SLC38A1: variants seen among roughly 807,000 people sequenced by gnomAD.
SLC38A1 encodes the protein solute carrier family 38 member 1.
In SLC38A1, 18 loss-of-function variants were observed where a neutral mutation model predicts 60.3. The observed-to-expected ratio is 0.30, with a 90% CI of 0.21 to 0.44. SLC38A1 has a LOEUF of 0.44. Among genes scored for constraint, SLC38A1 ranks in the 20% least tolerant of loss-of-function variants. The pLI is 1.00. For synonymous variants in SLC38A1, 196 were observed against 212.1 expected (o/e 0.92, Z 0.66); for missense variants, 448 against 587.2 (o/e 0.76, Z 2.45).
In SLC38A1 at chr12:46,247,116, C is replaced by T. The variant is rs143382774; in HGVS notation, c.-208-3802G>A. ...AAGCTGAAAATTCTAAAAACCAGAG[C>T]GCCTCTTCTCCTCCAAAGGATGGCT... On this transcript the variant is annotated intron_variant, in intron 1 of 16. Coordinates refer to ENST00000398637, the MANE Select transcript of SLC38A1 (RefSeq NM_030674.4). Among the ~76,000 whole-genome samples the T allele has an allele frequency of 6.7e-3, 1,016 of 152,214 alleles. 10 individuals are homozygous for T. Among genetic ancestry groups the T allele is most frequent in the African/African-American group, 0.023 (940 of 41,514 alleles).
At position 46,222,058 on chromosome 12, in the gene SLC38A1, G is replaced by T. The variant is rs188961932; in HGVS notation, c.314+7095C>A. Among the ~76,000 whole-genome samples, 29 of 152,268 alleles carry T rather than the reference G, an allele frequency of 1.9e-4. No homozygotes were observed. The East Asian group carries it at 5.2e-3, about 27-fold the overall frequency. On this transcript the variant is annotated intron_variant, in intron 5 of 16. Transcript: ENST00000398637. ...AAGCTGAGGTCATCTGAAGGGAAAA[G>T]AGGTTGAAAATACAGTCTGGAACAA...
chr12:46,240,494 C>A (rs1941410540), intron 2 of SLC38A1, among the ~76,000 whole-genome samples: 3 of 152,306 alleles, frequency 2.0e-5, no homozygotes, highest in African/African-American at 7.2e-5. Flanking sequence ...CCGCACCCGG[C>A]CTGAAGCAGT....
chr12:46,185,566 C>T lies in SLC38A1; in HGVS notation c.*3404G>A, dbSNP rs1040540242. 6.6e-6 allele frequency: 1 copy of T among 151,948 alleles called. No homozygotes were observed. Among genetic ancestry groups the T allele is most frequent in the African/African-American group, 2.4e-5 (1 of 41,344 alleles). The allele number at this position is 151,948 out of a possible 1,614,324, so 9.4% of individuals were successfully genotyped here. On this transcript the variant is annotated 3_prime_UTR_variant, in exon 17 of 17. Coordinates refer to ENST00000398637, the MANE Select transcript of SLC38A1 (RefSeq NM_030674.4). ...ACTAGCACTAAAAACATTAAAAGTG[C>T]TGCGCGCTGGCCTCAATGACTGGTA... is the stretch of plus-strand genomic sequence containing the variant.
At chr12:46,218,688 A>C (rs1446383717) in intron 5 of SLC38A1, among the ~76,000 whole-genome samples, 1 of 152,142 alleles carries the variant, frequency 6.6e-6, no homozygotes, top group East Asian at 1.9e-4. Flanking sequence ...AGTCATGCAG[A>C]GTCAGCTGTG....
Position 46,192,994 on chromosome 12 carries a change from C to T in SLC38A1, c.1363-3923G>A, listed in dbSNP as rs188956577. 3.5e-3 allele frequency among the ~76,000 whole-genome samples: 533 copies of T among 152,038 alleles called. 14 individuals carry two copies. Among genetic ancestry groups the T allele is most frequent in the Admixed American group, 0.034 (513 of 15,252 alleles). ...GCTAGCTTTTGAATTTGTTTGCTTT[C>T]GCTTCTCTAGTTCTTTTAATTGTGA... is the stretch of plus-strand genomic sequence containing the variant. On this transcript the variant is annotated intron_variant, in intron 16 of 16. Transcript: ENST00000398637.
intron 13 of SLC38A1, among the ~76,000 whole-genome samples, chr12:46,200,647 C>G (rs1939615392): frequency 6.6e-6 from 1 of 152,100 alleles, no homozygotes; most frequent in Non-Finnish European, 1.5e-5. Context: ...TGCAAGGCTT[C>G]GACTTCCAGT....
rs1942460006 is a variant in SLC38A1, at chr12:46,269,027, C to T, written c.-710G>A. 1 of 317,136 alleles carries T rather than the reference C, an allele frequency of 3.2e-6. No individual in the cohort carries two copies. Among genetic ancestry groups the T allele is most frequent in the African/African-American group, 2.2e-5 (1 of 46,438 alleles). The allele number at this position is 317,136 out of a possible 1,614,324, so 19.6% of individuals were successfully genotyped here. ...CCCTCCTGTGCGCCCGCTCTTTAAC[C>T]AAAGCTGCGTGTCAGTGAGCCGTGC... On this transcript the variant is annotated 5_prime_UTR_variant, in exon 1 of 17. Transcript: ENST00000398637.
At chr12:46,190,506 G>A (rs572527793) in intron 16 of SLC38A1, among the ~76,000 whole-genome samples, 11 of 152,196 alleles carry the variant, frequency 7.2e-5, no homozygotes, top group South Asian at 2.1e-4. Context: ...TTGAGGAATC[G>A]CCACACTGTC....
At chr12:46,226,617 C>CTTTT (rs199599486) in intron 5 of SLC38A1, among the ~76,000 whole-genome samples, 4 of 123,004 alleles carry the variant, frequency 3.3e-5, no homozygotes, top group Admixed American at 8.6e-5. Flanking sequence ...CATGGATTTC[C>CTTTT]TTTTTTTTTT....
chr12:46,231,302 G>A lies in SLC38A1; in HGVS notation c.123-1663C>T, dbSNP rs1484492932. Among the ~76,000 whole-genome samples the A allele has an allele frequency of 2.6e-5, 4 of 152,124 alleles. No homozygotes were observed. In the East Asian group the frequency reaches 7.7e-4, roughly 29 times the overall value. Reference sequence around the variant, plus strand: ...CACTGGAGACTCCAAAGAAGGGGAAGGTGGGAGGGGGCAAGGGATGAAACA... The same window carrying A: ...CACTGGAGACTCCAAAGAAGGGGAAAGTGGGAGGGGGCAAGGGATGAAACA... On this transcript the variant is annotated intron_variant, in intron 3 of 16. Transcript: ENST00000398637.
rs183127594 is a variant in SLC38A1, at chr12:46,196,466, C to T, written c.1362+1254G>A. 1.9e-4 allele frequency among the ~76,000 whole-genome samples: 29 copies of T among 152,282 alleles called. No homozygotes were observed. In the East Asian group the frequency reaches 5.2e-3, roughly 27 times the overall value. ...TCAGAATTCATGGGCAGCAGGCCTCCACCATTTTCAGATTTAATCTGAATA... is the reference window on the plus strand; with the variant it reads ...TCAGAATTCATGGGCAGCAGGCCTCTACCATTTTCAGATTTAATCTGAATA... On this transcript the variant is annotated intron_variant, in intron 16 of 16. Transcript: ENST00000398637.
At chr12:46,215,479 T>C (rs1199245375) in intron 5 of SLC38A1, among the ~76,000 whole-genome samples, 3 of 152,126 alleles carry the variant, frequency 2.0e-5, no homozygotes, top group Non-Finnish European at 2.9e-5. Flanking sequence ...TGGCACAATC[T>C]TGGCTCACTG....
intron 5 of SLC38A1, among the ~76,000 whole-genome samples, chr12:46,215,573 A>C (rs1940370938): frequency 6.6e-6 from 1 of 152,014 alleles, no homozygotes; most frequent in Admixed American, 6.6e-5. Flanking sequence ...ACACCCAGCT[A>C]ATTTTTGTAT....
intron 1 of SLC38A1, among the ~76,000 whole-genome samples, chr12:46,243,740 T>C (rs1382800842): frequency 6.6e-6 from 1 of 152,244 alleles, no homozygotes; most frequent in Non-Finnish European, 1.5e-5. Flanking sequence ...TGTGAAGATC[T>C]TGGTGTTAAC....
chr12:46,190,490 G>A (rs1337735476), intron 16 of SLC38A1, among the ~76,000 whole-genome samples: 1 of 152,004 alleles, frequency 6.6e-6, no homozygotes, highest in Non-Finnish European at 1.5e-5. Context: ...TTCTAGTTCT[G>A]GATCCTTGAG....
At chr12:46,220,097 A>G (rs2137612215) in intron 5 of SLC38A1, among the ~76,000 whole-genome samples, 1 of 152,354 alleles carries the variant, frequency 6.6e-6, no homozygotes, top group South Asian at 2.1e-4. Context: ...CTCATCTCCT[A>G]CACATGCCAA....
At chr12:46,242,030 A>G (rs1159930506) in intron 2 of SLC38A1, among the ~76,000 whole-genome samples, 1 of 152,160 alleles carries the variant, frequency 6.6e-6, no homozygotes, top group Admixed American at 6.5e-5. Flanking sequence ...AAAAATACAT[A>G]TGTATGTATA....
At chr12:46,250,399 C>T (rs939112847) in intron 1 of SLC38A1, among the ~76,000 whole-genome samples, 7 of 152,198 alleles carry the variant, frequency 4.6e-5, no homozygotes, top group Non-Finnish European at 1.0e-4. Context: ...TGGGCACAAA[C>T]TGGAAGCATT....
chr12:46,235,731 T>C (rs777074296), intron 3 of SLC38A1, among the ~76,000 whole-genome samples: 6 of 152,160 alleles, frequency 3.9e-5, no homozygotes, highest in Non-Finnish European at 8.8e-5. Context: ...AAAAGATATA[T>C]AAAGACAAGT....
Sources: allele counts gnomAD v4.1 joint callset (sites outside exome capture counted in the v4.1 genomes callset), GRCh38; gene constraint gnomAD v4.1.1; transcripts MANE v1.5; gene names NCBI Gene and HGNC (gene_info 2026-07-23, HGNC 2026-07-21).